The following GSG1L variants were observed in gnomAD, a reference collection of about 807,000 sequenced individuals.
GSG1L encodes the protein germ cell-specific gene 1-like protein.
Under a neutral mutation model 42.1 loss-of-function variants are expected in GSG1L, and 24 were observed. The observed-to-expected ratio is 0.57, with a 90% CI of 0.41 to 0.80. The LOEUF (loss-of-function observed/expected upper bound fraction) is 0.80, where lower values mean the gene tolerates loss of function less well. Among genes scored for constraint, GSG1L ranks in the 30% least tolerant of loss-of-function variants. GSG1L has a pLI of 0.00. For synonymous variants in GSG1L, 215 were observed against 203.5 expected, an observed-to-expected ratio of 1.06 and a Z score of -0.48; for missense variants, 445 against 472.2, an observed-to-expected ratio of 0.94 and a Z score of 0.53.
At chr16:27,792,277 CTG>C (rs761362361) in intron 6 of GSG1L, among the ~76,000 whole-genome samples, 1 of 152,176 alleles carries the variant, frequency 6.6e-6, no homozygotes, top group Non-Finnish European at 1.5e-5. Context: ...ACCCCAGAAA[CTG>C]TGTGTGTGGA....
chr16:27,948,256 A>G (rs2084907688), intron 2 of GSG1L, among the ~76,000 whole-genome samples: 1 of 152,232 alleles, frequency 6.6e-6, no homozygotes. Flanking sequence ...CCTGGGCCTC[A>G]GTTTCCCCAT....
intron 6 of GSG1L, among the ~76,000 whole-genome samples, chr16:27,802,076 A>C (rs1024386212): frequency 5.3e-5 from 8 of 151,792 alleles, no homozygotes; most frequent in Non-Finnish European, 1.2e-4. Flanking sequence ...CCTGCACCCC[A>C]TGTCATCCTG....
chr16:27,958,760 C>T (rs1387687372), intron 2 of GSG1L, among the ~76,000 whole-genome samples: 1 of 152,020 alleles, frequency 6.6e-6, no homozygotes, highest in Non-Finnish European at 1.5e-5. Context: ...ACTGTAACCT[C>T]CACCTCCCGG....
chr16:28,032,582 G>A (rs574718610), intron 1 of GSG1L, among the ~76,000 whole-genome samples: 71 of 152,306 alleles, frequency 4.7e-4, no homozygotes, highest in African/African-American at 1.6e-3. Flanking sequence ...TTGCCTCTGG[G>A]CTGTCACACA....
chr16:27,845,633 CT>C (rs1234371615), intron 3 of GSG1L, among the ~76,000 whole-genome samples: 1 of 152,160 alleles, frequency 6.6e-6, no homozygotes, highest in African/African-American at 2.4e-5. Context: ...ACTTTCCACT[CT>C]TTTAAGACAG....
At chr16:27,937,324 C>T (rs751389451) in intron 2 of GSG1L, among the ~76,000 whole-genome samples, 2 of 151,046 alleles carry the variant, frequency 1.3e-5, no homozygotes, top group East Asian at 2.0e-4. Flanking sequence ...TGCAACCCAA[C>T]CTCCATCTCC....
chr16:27,866,351 A>G (rs1020684709), intron 3 of GSG1L, among the ~76,000 whole-genome samples: 1 of 152,212 alleles, frequency 6.6e-6, no homozygotes, highest in East Asian at 1.9e-4. Flanking sequence ...CCAACCATGT[A>G]TCAATCACTG....
At chr16:27,965,381 A>G (rs150723670) in intron 1 of GSG1L, among the ~76,000 whole-genome samples, 1 of 152,286 alleles carries the variant, frequency 6.6e-6, no homozygotes, top group African/African-American at 2.4e-5. Flanking sequence ...ATTATGTTTT[A>G]CAGTCACATT....
intron 3 of GSG1L, among the ~76,000 whole-genome samples, chr16:27,851,819 C>G (rs937236491): frequency 6.6e-6 from 1 of 152,154 alleles, no homozygotes; most frequent in Non-Finnish European, 1.5e-5. Flanking sequence ...AATGCCAACC[C>G]GAGATGCCAC....
chr16:27,806,943 A>G (rs928100828), intron 6 of GSG1L, among the ~76,000 whole-genome samples: 6 of 152,222 alleles, frequency 3.9e-5, no homozygotes, highest in African/African-American at 1.4e-4. Context: ...TGGGCATTAC[A>G]GCAGGCTCAG....
chr16:27,903,252 G>T (rs2084282598), intron 2 of GSG1L, among the ~76,000 whole-genome samples: 1 of 152,114 alleles, frequency 6.6e-6, no homozygotes, highest in African/African-American at 2.4e-5. Context: ...GCAGGGAGTT[G>T]TGGGAAGCCT....
intron 2 of GSG1L, among the ~76,000 whole-genome samples, chr16:27,902,817 T>G (rs935406087): frequency 4.0e-4 from 61 of 152,136 alleles, no homozygotes; most frequent in African/African-American, 1.3e-3. Flanking sequence ...GCAGTGAGGC[T>G]TTAGTGACAC....
intron 2 of GSG1L, among the ~76,000 whole-genome samples, chr16:27,898,343 C>G (rs1426978362): frequency 6.8e-6 from 1 of 147,278 alleles, no homozygotes; most frequent in East Asian, 2.0e-4. Flanking sequence ...CCAAAAGCCC[C>G]ACCCGCCCAC....
chr16:27,987,815 C>T (rs570600882), intron 1 of GSG1L, among the ~76,000 whole-genome samples: 225 of 152,108 alleles, frequency 1.5e-3, no homozygotes, highest in African/African-American at 4.8e-3. Context: ...AGCGTGGTGG[C>T]GCATGCCTGT....
chr16:27,869,947 CTCCA>C, intron 3 of GSG1L, among the ~76,000 whole-genome samples: 1 of 145,800 alleles, frequency 6.9e-6, no homozygotes, highest in Non-Finnish European at 1.5e-5. Flanking sequence ...CTCTGTCTCC[CTCCA>C]TCTCTCTCTC....
intron 2 of GSG1L, among the ~76,000 whole-genome samples, chr16:27,905,950 C>A (rs916507114): frequency 3.9e-5 from 6 of 152,040 alleles, no homozygotes; most frequent in African/African-American, 9.7e-5. Flanking sequence ...CTAGACGCAC[C>A]AACTTCAGGG....
At chr16:28,057,874 A>T (rs755694123) in intron 1 of GSG1L, among the ~76,000 whole-genome samples, 57 of 152,252 alleles carry the variant, frequency 3.7e-4, no homozygotes, top group Non-Finnish European at 4.4e-5. Flanking sequence ...AATCTGGACC[A>T]TCTGGGCCCA....
At chr16:27,804,204 G>C (rs1043483215) in intron 6 of GSG1L, among the ~76,000 whole-genome samples, 2 of 151,958 alleles carry the variant, frequency 1.3e-5, no homozygotes, top group African/African-American at 4.8e-5. Context: ...AGCGAACTCC[G>C]TCCCTGTCCT....
chr16:27,856,668 G>A (rs1180576711), intron 3 of GSG1L, among the ~76,000 whole-genome samples: 4 of 152,204 alleles, frequency 2.6e-5, no homozygotes, highest in African/African-American at 9.6e-5. Flanking sequence ...TGTATTTATT[G>A]CAAGTGATAC....
Sources: gnomAD v4.1 joint callset for allele counts (sites outside exome capture counted in the v4.1 genomes callset) on GRCh38, gnomAD v4.1.1 for gene constraint, MANE v1.5 for transcripts, NCBI Gene and HGNC (gene_info 2026-07-23, HGNC 2026-07-21) for gene names.